The following ZNF69 variants were observed in gnomAD, a reference collection of about 807,000 sequenced individuals.
ZNF69 encodes ZNF3.
In ZNF69, 47 loss-of-function variants were observed where a neutral mutation model predicts 50.9. The observed-to-expected ratio is 0.92, with a 90% CI of 0.73 to 1.18. ZNF69 has a LOEUF of 1.18. ZNF69 is among the 50% of genes most tolerant of loss of function. ZNF69 has a pLI of 0.00. For missense variants in ZNF69, 717 were observed against 675.1 expected (o/e 1.06, Z -0.69); for synonymous variants, 216 against 223.1 (o/e 0.97, Z 0.29).
At chr19:11,923,955 G>A in the ZNF69 span, among the ~76,000 whole-genome samples, 6 of 152,134 alleles carry the variant, frequency 3.9e-5, no homozygotes, top group African/African-American at 1.4e-4. Flanking sequence ...GCTGCTCAGA[G>A]CAGCTCCAGA....
At chr19:11,903,866 A>T (rs763876083) in intron 2 of ZNF69, 39 bp from the exon 3 acceptor site, 1 of 1,607,794 alleles carries the variant, frequency 6.2e-7, no homozygotes, top group South Asian at 1.1e-5. Flanking sequence ...TCACAATTTT[A>T]TACTGCCTCA....
At chr19:11,925,362 G>A in the ZNF69 span, 3 of 1,572,160 alleles carry the variant, frequency 1.9e-6, no homozygotes, top group South Asian at 2.2e-5. Context: ...GGGCCTCCCT[G>A]TGGGCGACTC....
chr19:11,975,679 G>A, the ZNF69 span, among the ~76,000 whole-genome samples: 2 of 151,894 alleles, frequency 1.3e-5, no homozygotes, highest in Non-Finnish European at 2.9e-5. Context: ...ACCGCACCCC[G>A]GCCTTTAAGA....
chr19:11,959,033 A>C, the ZNF69 span, among the ~76,000 whole-genome samples: 7 of 152,072 alleles, frequency 4.6e-5, no homozygotes, highest in Non-Finnish European at 8.8e-5. Flanking sequence ...CAGGCACATG[A>C]CACCACACCT....
At chr19:11,963,325 C>T in the ZNF69 span, among the ~76,000 whole-genome samples, 1 of 152,166 alleles carries the variant, frequency 6.6e-6, no homozygotes, top group Non-Finnish European at 1.5e-5. Context: ...CAACTTCTGT[C>T]TTCAAGTGCT....
chr19:11,894,691 G>A (rs553010629), intron 1 of ZNF69, among the ~76,000 whole-genome samples: 43 of 152,150 alleles, frequency 2.8e-4, no homozygotes, highest in Non-Finnish European at 5.4e-4. Flanking sequence ...AATGCCTTAC[G>A]ATGGAAGGAG....
At chr19:11,979,680 A>T in the ZNF69 span, 2 of 1,602,884 alleles carry the variant, frequency 1.2e-6, no homozygotes, top group Non-Finnish European at 1.7e-6. Flanking sequence ...CTTCAAATGC[A>T]TGCTGGGACT....
In ZNF69 at chr19:11,905,696, G is replaced by A. The variant is rs1319871253; in HGVS notation, c.1299G>A (p.Leu433=). ...KAFRSSSHLQ[L]HGRTHTGEKP... is the part of the protein sequence containing the mutation. ...TCAGATCTTCCTCACACCTTCAATT[G>A]CATGGTAGGACTCACACTGGAGAGA... is the stretch of plus-strand genomic sequence containing the variant. The change falls in exon 4 of 4, where the codon TTG becomes TTA. Residue 433 remains leucine, a synonymous_variant. Coordinates refer to ENST00000429654, the MANE Select transcript of ZNF69 (RefSeq NM_001364730.1). 1 of 1,613,274 alleles carries A rather than the reference G, an allele frequency of 6.2e-7. No homozygotes were observed.
the ZNF69 span, among the ~76,000 whole-genome samples, chr19:11,944,166 C>T: frequency 1.7e-3 from 263 of 152,114 alleles, no homozygotes; most frequent in Admixed American, 3.5e-3. Flanking sequence ...TGAGATTGTT[C>T]GTGTAATTTT....
chr19:11,915,604 G>A (rs1972515266), downstream of ZNF69, among the ~76,000 whole-genome samples: 1 of 152,102 alleles, frequency 6.6e-6, no homozygotes, highest in African/African-American at 2.4e-5. Flanking sequence ...CCTACAAAGA[G>A]TGACCATTGA....
At chr19:11,919,187 G>A (rs1000355618), downstream of ZNF69, among the ~76,000 whole-genome samples, 2 of 151,972 alleles carry the variant, frequency 1.3e-5, no homozygotes, top group African/African-American at 2.4e-5. Context: ...GAGCCACCGC[G>A]CCTGGCCCCT....
the ZNF69 span, among the ~76,000 whole-genome samples, chr19:11,975,008 G>A: frequency 6.6e-6 from 1 of 152,062 alleles, no homozygotes; most frequent in African/African-American, 2.4e-5. Context: ...ATCTACATAA[G>A]TTCTCTAAGA....
chr19:11,978,474 C>A, the ZNF69 span: 1 of 1,614,184 alleles, frequency 6.2e-7, no homozygotes. Flanking sequence ...CTTTATTTCC[C>A]ATTCAGGCAT....
the ZNF69 span, among the ~76,000 whole-genome samples, chr19:11,920,435 G>A: frequency 2.6e-5 from 4 of 152,096 alleles, no homozygotes; most frequent in Admixed American, 2.0e-4. Flanking sequence ...ATAAATATGT[G>A]TGTGTGTATT....
rs1190178006 is a variant in ZNF69 at position 11,904,350 on chromosome 19, A to AGGG, written c.252-298_252-297insGGG. Among the ~76,000 whole-genome samples, 3 of 152,368 alleles carry AGGG rather than the reference A, an allele frequency of 2.0e-5. 1 individual carries two copies. In the East Asian group the frequency reaches 5.8e-4, roughly 29 times the overall value. On this transcript the variant is annotated intron_variant, in intron 3 of 3. Transcript: ENST00000429654. ...AGCTATGATGATATCACTGCACTCC[A>AGGG]GTGTGGGCAACAGGACGAGACCCCT...
downstream of ZNF69, among the ~76,000 whole-genome samples, chr19:11,917,745 C>T (rs925904663): frequency 6.7e-6 from 1 of 150,162 alleles, no homozygotes; most frequent in African/African-American, 2.5e-5. Flanking sequence ...CCTGGCTCAG[C>T]CTCCTGGGTA....
downstream of ZNF69, among the ~76,000 whole-genome samples, chr19:11,910,474 T>C (rs1972441724): frequency 6.6e-6 from 1 of 152,066 alleles, no homozygotes; most frequent in Admixed American, 6.6e-5. Context: ...CAAACAGAGA[T>C]ATAGACCAAT....
chr19:11,971,145 A>G, the ZNF69 span, among the ~76,000 whole-genome samples: 1 of 152,086 alleles, frequency 6.6e-6, no homozygotes, highest in South Asian at 2.1e-4. Flanking sequence ...TAAAGAATAA[A>G]CATTTGTTTC....
intron 1 of ZNF69, among the ~76,000 whole-genome samples, chr19:11,897,315 C>G (rs527344893): frequency 2.0e-5 from 3 of 152,124 alleles, no homozygotes; most frequent in Admixed American, 2.0e-4. Context: ...CCATTGCACT[C>G]CAGCCTGGGC....
Sources: gnomAD v4.1 joint callset for allele counts (sites outside exome capture counted in the v4.1 genomes callset) on GRCh38, gnomAD v4.1.1 for gene constraint, MANE v1.5 for transcripts, NCBI Gene and HGNC (gene_info 2026-07-23, HGNC 2026-07-21) for gene names.